GPN3: variants seen among roughly 807,000 people sequenced by gnomAD.
GPN3 encodes the protein GPN-loop GTPase 3.
GPN3 carries 31 observed loss-of-function variants against 38.7 expected under a neutral mutation model. That is an observed-to-expected ratio of 0.80 (90% CI 0.60 to 1.08). The LOEUF (loss-of-function observed/expected upper bound fraction) is 1.08. GPN3 is among the 50% of genes least tolerant of loss of function. GPN3 has a pLI of 0.00. For synonymous variants in GPN3, 116 were observed against 120.2 expected (o/e 0.96, Z 0.23); for missense variants, 301 against 354.4 (o/e 0.85, Z 1.21).
At chr12:110,462,362 G>A (rs1419462952) in intron 2 of GPN3, among the ~76,000 whole-genome samples, 2 of 151,934 alleles carry the variant, frequency 1.3e-5, no homozygotes, top group Non-Finnish European at 2.9e-5. Flanking sequence ...AACCTAAAAC[G>A]ACCTGTCTCC....
chr12:110,465,628 A>G (rs1002144374), intron 1 of GPN3, among the ~76,000 whole-genome samples: 3 of 152,192 alleles, frequency 2.0e-5, no homozygotes, highest in African/African-American at 7.2e-5. Context: ...AGTAGGGGAG[A>G]TATGAGTATA....
intron 2 of GPN3, among the ~76,000 whole-genome samples, chr12:110,462,914 G>A (rs2062600518): frequency 2.0e-5 from 3 of 152,180 alleles, no homozygotes; most frequent in South Asian, 4.1e-4. Flanking sequence ...CCGCCACCAT[G>A]CCCGGCTAGT....
At chr12:110,455,717 A>G in intron 5 of GPN3, 35 bp from the exon 6 acceptor site, 2 of 1,046,004 alleles carry the variant, frequency 1.9e-6, no homozygotes, top group African/African-American at 1.6e-5. Flanking sequence ...AATTCAGGAG[A>G]CTAGGTTTAT....
At chr12:110,466,255 G>A (rs1424983653) in intron 1 of GPN3, among the ~76,000 whole-genome samples, 2 of 152,090 alleles carry the variant, frequency 1.3e-5, no homozygotes, top group African/African-American at 2.4e-5. Flanking sequence ...ACAAGGGCAC[G>A]GATTTTGTGT....
chr12:110,456,751 C>T (rs2062552780), intron 4 of GPN3, among the ~76,000 whole-genome samples: 1 of 149,800 alleles, frequency 6.7e-6, no homozygotes. Context: ...TGCAATGGTG[C>T]GATCTTGGCG....
Position 110,458,100 on chromosome 12 carries a change from A to C in GPN3, c.326-466T>G, listed in dbSNP as rs1342693476. ...CACTGCACTCCAGCCTGGGCGACAG[A>C]GTAAGACTCTGTCTTTAAAAATAAA... On this transcript the variant is annotated intron_variant, in intron 3 of 7. Transcript: ENST00000228827. This position sits in a 1 kb window ranked among gnomAD's most constrained non-coding sequence, Gnocchi z 4.4. Among the ~76,000 whole-genome samples the C allele has an allele frequency of 6.6e-6, 1 of 152,040 alleles. No homozygotes were observed. Among genetic ancestry groups the C allele is most frequent in the Non-Finnish European group, 1.5e-5 (1 of 68,002 alleles).
At position 110,458,319 on chromosome 12, in the gene GPN3, AAAAT is replaced by A. The variant is rs1457103540; in HGVS notation, c.326-689_326-686del. On this transcript the variant is annotated intron_variant, in intron 3 of 7. Transcript: ENST00000228827. The surrounding 1 kb of genome is among the most constrained non-coding windows in gnomAD (Gnocchi z 4.4). Reference sequence around the variant, plus strand: ...AATATAGTGAGATCCTATCTCTACAAAAATAAATAAATAAGTGCTACAAAGATAT... The same window carrying A: ...AATATAGTGAGATCCTATCTCTACAAAAATAAATAAGTGCTACAAAGATAT... 1.3e-5 allele frequency among the ~76,000 whole-genome samples: 2 copies of A among 152,314 alleles called. No individual in the cohort carries two copies. The highest frequency in any genetic ancestry group is 2.1e-4 in the South Asian group (1 of 4,828).
At chr12:110,466,998 CT>C (rs113752739) in intron 1 of GPN3, among the ~76,000 whole-genome samples, 181 of 142,412 alleles carry the variant, frequency 1.3e-3, no homozygotes, top group East Asian at 2.3e-3. Flanking sequence ...CACACTTCTT[CT>C]TTTTTTTTTT....
At chr12:110,455,739 A>T (rs2062545165) in intron 5 of GPN3, 57 bp from the exon 6 acceptor site, 6 of 1,046,986 alleles carry the variant, frequency 5.7e-6, no homozygotes, top group Middle Eastern at 4.0e-4. Flanking sequence ...AACCAGCCAA[A>T]CTTCCCATCT....
intron 6 of GPN3, 90 bp downstream of exon 6, chr12:110,455,496 T>C: frequency 1.4e-6 from 1 of 691,314 alleles, no homozygotes; most frequent in Non-Finnish European, 2.6e-6. Context: ...ACTCCTGGAC[T>C]CAATCTTGCT....
At chr12:110,457,076 G>C (rs1281506441) in intron 4 of GPN3, among the ~76,000 whole-genome samples, 1 of 151,768 alleles carries the variant, frequency 6.6e-6, no homozygotes, top group Non-Finnish European at 1.5e-5. Context: ...TTAACAACAT[G>C]TTATAATTTA....
In GPN3 at chr12:110,455,638, C is replaced by T. The variant is rs1417945741; in HGVS notation, c.611G>A (p.Ser204Asn). The T allele has an allele frequency of 1.4e-6, 2 of 1,409,044 alleles. No homozygotes were observed. The highest frequency in any genetic ancestry group is 1.0e-6 in the Non-Finnish European group (1 of 995,176). 87.3% of individuals were successfully genotyped at this position (1,409,044 alleles called of 1,614,324 possible). Residue 204 changes from serine to asparagine, a missense_variant, in exon 6 of 8, where the codon AGT becomes AAT. By Grantham distance (46) the Ser-to-Asn change is conservative (BLOSUM62 1). Coordinates refer to ENST00000228827, the MANE Select transcript of GPN3 (RefSeq NM_016301.4). Reference sequence around the variant, plus strand: ...CTTGAATTTTTTGCTTCTTAAGTCACTTGTAGAATCTTCTAATAAAGAATA... The same window carrying T: ...CTTGAATTTTTTGCTTCTTAAGTCATTTGTAGAATCTTCTAATAAAGAATA... ...DMYSLLEDST[S>N]DLRSKKFKKL...
At chr12:110,459,207 CA>C (rs2062570001) in intron 3 of GPN3, among the ~76,000 whole-genome samples, 1 of 151,940 alleles carries the variant, frequency 6.6e-6, no homozygotes, top group Non-Finnish European at 1.5e-5. Context: ...TCCCAGTGTA[CA>C]AAGCAAGCAC....
At chr12:110,459,462 G>A (rs1428060873) in intron 3 of GPN3, among the ~76,000 whole-genome samples, 1 of 152,040 alleles carries the variant, frequency 6.6e-6, no homozygotes, top group African/African-American at 2.4e-5. Context: ...GGATGGTCTC[G>A]ATCTCCTGAC....
At chr12:110,468,340 G>T, upstream of GPN3, 1 of 1,542,416 alleles carries the variant, frequency 6.5e-7, no homozygotes, top group Non-Finnish European at 8.7e-7. Flanking sequence ...CCTACTACGG[G>T]GCAGCCCGCG....
intron 1 of GPN3, 115 bp downstream of exon 1, chr12:110,468,028 AGCAGAAATGAGTT>A: frequency 8.0e-7 from 1 of 1,246,638 alleles, no homozygotes; most frequent in Non-Finnish European, 1.2e-6. Context: ...GAAGCCAGAC[AGCAGAAATGAGTT>A]GCGTGGGGTC....
chr12:110,457,071 A>C (rs1003657379), intron 4 of GPN3, among the ~76,000 whole-genome samples: 1 of 152,004 alleles, frequency 6.6e-6, no homozygotes. Flanking sequence ...TTTGATTAAC[A>C]ACATGTTATA....
At chr12:110,466,678 T>TA (rs1247240221) in intron 1 of GPN3, among the ~76,000 whole-genome samples, 4 of 152,152 alleles carry the variant, frequency 2.6e-5, no homozygotes, top group Non-Finnish European at 5.9e-5. Context: ...GTATTTTTGG[T>TA]AGAGACAGGG....
At position 110,463,694 on chromosome 12, in the gene GPN3, G is replaced by C. The variant is rs545445973; in HGVS notation, c.157+1412C>G. ...CGCATCTGTAGTCCCAGCTACTTGG[G>C]AGGCTGAGATGGGAGGATGGCTTGA... On this transcript the variant is annotated intron_variant, in intron 2 of 7. Coordinates refer to ENST00000228827, the MANE Select transcript of GPN3 (RefSeq NM_016301.4). 1.6e-3 allele frequency among the ~76,000 whole-genome samples: 240 copies of C among 149,952 alleles called. 1 individual carries two copies. The highest frequency in any genetic ancestry group is 5.7e-3 in the African/African-American group (231 of 40,790).
Sources: allele counts gnomAD v4.1 joint callset (sites outside exome capture counted in the v4.1 genomes callset), GRCh38; gene constraint gnomAD v4.1.1; non-coding constraint Gnocchi (gnomAD v3.1); transcripts MANE v1.5; gene names NCBI Gene and HGNC (gene_info 2026-07-23, HGNC 2026-07-21).